MRPL13: variants seen among roughly 807,000 people sequenced by gnomAD.
MRPL13 encodes the protein large ribosomal subunit protein uL13m.
MRPL13 carries 33 observed loss-of-function variants against 29.0 expected under a neutral mutation model. That is an observed-to-expected ratio of 1.14 (90% CI 0.86 to 1.52). The LOEUF (loss-of-function observed/expected upper bound fraction) is 1.52. Among genes scored for constraint, MRPL13 ranks in the 40% most tolerant of loss-of-function variants. MRPL13 has a pLI of 0.00. For missense variants in MRPL13, 227 were observed against 216.7 expected (o/e 1.05, Z -0.30); for synonymous variants, 77 against 68.4 (o/e 1.13, Z -0.62).
chr8:120,442,519 T>A (rs931169547), intron 2 of MRPL13, among the ~76,000 whole-genome samples: 9 of 152,232 alleles, frequency 5.9e-5, no homozygotes, highest in African/African-American at 2.2e-4. Context: ...GTATGTTTAA[T>A]ATATTGCACA....
chr8:120,443,208 T>C lies in MRPL13; in HGVS notation c.128A>G (p.His43Arg), dbSNP rs768495585. Residue 43 changes from histidine to arginine, a missense_variant, in exon 2 of 7, where the codon CAT (histidine) becomes CGT (arginine). His to Arg is a conservative substitution (Grantham distance 29). Coordinates refer to ENST00000306185, the MANE Select transcript of MRPL13 (RefSeq NM_014078.6). ...ACTCAGTGCATGGTACACAGGTTTA[T>C]GTAATCCCTGAAGTCTTATAGATGC... Reference protein sequence around the residue: ...AMASIRLQGLHKPVYHALSDC... With the variant: ...AMASIRLQGLRKPVYHALSDC... 3 of 1,607,838 alleles carry C rather than the reference T, an allele frequency of 1.9e-6. No homozygotes were observed. The highest frequency in any genetic ancestry group is 1.7e-6 in the Non-Finnish European group (2 of 1,176,972).
intron 6 of MRPL13, 112 bp from the exon 7 acceptor site, chr8:120,396,237 C>A: frequency 1.3e-6 from 1 of 753,120 alleles, no homozygotes; most frequent in Non-Finnish European, 2.2e-6. Context: ...CAAGAAATAG[C>A]TACAAACACT....
chr8:120,411,277 A>T (rs1015805168), intron 6 of MRPL13, among the ~76,000 whole-genome samples: 29 of 152,218 alleles, frequency 1.9e-4, no homozygotes, highest in African/African-American at 7.0e-4. Context: ...CATCTTGCCC[A>T]GGCCGGTCTT....
chr8:120,424,609 A>G (rs1812911292), intron 4 of MRPL13, among the ~76,000 whole-genome samples: 1 of 151,788 alleles, frequency 6.6e-6, no homozygotes, highest in African/African-American at 2.4e-5. Flanking sequence ...CACAAAAAAT[A>G]AAAAGTTTTA....
At chr8:120,439,268 T>C (rs1470855135) in intron 2 of MRPL13, among the ~76,000 whole-genome samples, 10 of 152,240 alleles carry the variant, frequency 6.6e-5, no homozygotes, top group Admixed American at 5.9e-4. Flanking sequence ...TTTTTCTTAG[T>C]GACTTCACTG....
chr8:120,412,551 G>A lies in MRPL13; in HGVS notation c.515+1440C>T, dbSNP rs1812751271. 1.3e-5 allele frequency among the ~76,000 whole-genome samples: 2 copies of A among 152,142 alleles called. 1 individual carries two copies. Among genetic ancestry groups the A allele is most frequent in the South Asian group, 4.1e-4 (2 of 4,830 alleles). On this transcript the variant is annotated intron_variant, in intron 6 of 6. Transcript: ENST00000306185. ...AAGATGACTTACTTAAGGTTATAGA[G>A]TCAGCTACTATAGAGGCAAGATTTG...
At chr8:120,417,183 A>G (rs1045203624) in intron 5 of MRPL13, among the ~76,000 whole-genome samples, 1 of 152,154 alleles carries the variant, frequency 6.6e-6, no homozygotes, top group African/African-American at 2.4e-5. Flanking sequence ...GTTTATGTTG[A>G]GTGTTCAGTG....
At chr8:120,424,411 C>T (rs1812908038) in intron 4 of MRPL13, among the ~76,000 whole-genome samples, 1 of 152,068 alleles carries the variant, frequency 6.6e-6, no homozygotes, top group South Asian at 2.1e-4. Flanking sequence ...TGCTTGAGCC[C>T]AGGAATTTGA....
At chr8:120,425,190 G>A in intron 4 of MRPL13, 116 bp downstream of exon 4, 1 of 715,600 alleles carries the variant, frequency 1.4e-6, no homozygotes, top group East Asian at 2.7e-5. Context: ...CAGCTAAAGT[G>A]AAGAATTTAT....
intron 5 of MRPL13, among the ~76,000 whole-genome samples, chr8:120,419,084 A>G (rs1812839564): frequency 6.6e-6 from 1 of 152,012 alleles, no homozygotes; most frequent in Non-Finnish European, 1.5e-5. Context: ...TTATTGTGCC[A>G]GTTTCTGTTC....
chr8:120,437,584 A>G (rs1813069296), intron 2 of MRPL13, among the ~76,000 whole-genome samples: 1 of 152,156 alleles, frequency 6.6e-6, no homozygotes, highest in Non-Finnish European at 1.5e-5. Flanking sequence ...TATCAGAAAC[A>G]CGTTCAAAAA....
In MRPL13 at chr8:120,432,061, A is replaced by G; in HGVS notation, c.214T>C (p.Trp72Arg). The change falls in exon 3 of 7, where the codon TGG becomes CGG. Residue 72 changes from tryptophan (W) to arginine (R), a missense_variant. By Grantham distance (101) the Trp-to-Arg change is moderately radical (BLOSUM62 -3). Coordinates refer to ENST00000306185, the MANE Select transcript of MRPL13 (RefSeq NM_014078.6). ...TGCGAAGAGTATACTTTTTGTTCCC[A>G]TTTGTTTCCAGAAAATGCAATGTGT... ...TRHIAFSGNKWEQKVYSSHTG... is the reference protein window; with the variant it reads ...TRHIAFSGNKREQKVYSSHTG... 8 of 1,609,180 alleles carry G rather than the reference A, an allele frequency of 5.0e-6. No homozygotes were observed. Among genetic ancestry groups the G allele is most frequent in the Non-Finnish European group, 6.8e-6 (8 of 1,177,592 alleles).
At chr8:120,438,081 T>G (rs560314115) in intron 2 of MRPL13, among the ~76,000 whole-genome samples, 15 of 152,318 alleles carry the variant, frequency 9.8e-5, no homozygotes, top group Non-Finnish European at 2.1e-4. Flanking sequence ...CACTGAAACA[T>G]GCCCAGGCAA....
At chr8:120,433,661 T>C (rs1408961146) in intron 2 of MRPL13, among the ~76,000 whole-genome samples, 1 of 152,070 alleles carries the variant, frequency 6.6e-6, no homozygotes, top group Admixed American at 6.6e-5. Flanking sequence ...CAATAATATA[T>C]GCCAAATCTC....
chr8:120,402,564 C>A (rs929484470), intron 6 of MRPL13, among the ~76,000 whole-genome samples: 3 of 151,872 alleles, frequency 2.0e-5, no homozygotes, highest in African/African-American at 7.2e-5. Flanking sequence ...AAAATCTGGG[C>A]AATACCATTC....
At chr8:120,439,389 A>T (rs375520834) in intron 2 of MRPL13, among the ~76,000 whole-genome samples, 1 of 152,204 alleles carries the variant, frequency 6.6e-6, no homozygotes, top group East Asian at 1.9e-4. Context: ...TAAGCTTGTT[A>T]TTATACTGCT....
At chr8:120,407,528 C>A (rs530981489) in intron 6 of MRPL13, among the ~76,000 whole-genome samples, 9 of 151,988 alleles carry the variant, frequency 5.9e-5, no homozygotes, top group Admixed American at 3.9e-4. Flanking sequence ...CTCCTGTAAT[C>A]CCAGCTACTT....
At chr8:120,431,925 A>G in intron 3 of MRPL13, 105 bp downstream of exon 3, 1 of 805,658 alleles carries the variant, frequency 1.2e-6, no homozygotes, top group Non-Finnish European at 1.8e-6. Flanking sequence ...TTAGTAATAA[A>G]TGCTGATTTT....
intron 6 of MRPL13, among the ~76,000 whole-genome samples, chr8:120,410,780 TTC>T (rs963926763): frequency 4.0e-5 from 6 of 151,770 alleles, no homozygotes; most frequent in African/African-American, 1.2e-4. Flanking sequence ...CTTCCTTCCT[TTC>T]TCTCTCTTTT....
Sources: gnomAD v4.1 joint callset for allele counts (sites outside exome capture counted in the v4.1 genomes callset) on GRCh38, gnomAD v4.1.1 for gene constraint, MANE v1.5 for transcripts, NCBI Gene and HGNC (gene_info 2026-07-23, HGNC 2026-07-21) for gene names.